Variants in WWP2 observed in about 807,000 individuals in gnomAD.
WWP2 encodes NEDD4-like E3 ubiquitin-protein ligase WWP2.
A neutral mutation model predicts 121.0 loss-of-function variants in WWP2; 57 were observed. The observed-to-expected ratio is 0.47, with a 90% CI of 0.38 to 0.59. WWP2 has a LOEUF of 0.59. Ranked by LOEUF, WWP2 falls within the 20% of genes least tolerant of loss-of-function variation. The pLI, the probability that WWP2 is intolerant of heterozygous loss-of-function variation, is 0.00. For synonymous variants in WWP2, 449 were observed against 441.3 expected, an observed-to-expected ratio of 1.02 and a Z score of -0.22; for missense variants, 962 against 1,158.9, an observed-to-expected ratio of 0.83 and a Z score of 2.47.
At chr16:69,807,096 T>G (rs1416180145) in intron 4 of WWP2, among the ~76,000 whole-genome samples, 3 of 152,046 alleles carry the variant, frequency 2.0e-5, no homozygotes, top group Non-Finnish European at 2.9e-5. Context: ...TGGCATGATC[T>G]TGGCTCACTG....
intron 8 of WWP2, chr16:69,895,213 C>T (rs2058089206): frequency 6.6e-6 from 1 of 152,328 alleles, no homozygotes; most frequent in Non-Finnish European, 1.5e-5. Flanking sequence ...TGGAGCTTCT[C>T]TGCTAAGTTA....
chr16:69,836,033 G>C (rs1043445223), intron 4 of WWP2, among the ~76,000 whole-genome samples: 5 of 152,100 alleles, frequency 3.3e-5, no homozygotes, highest in African/African-American at 1.2e-4. Context: ...GAACTCCTGG[G>C]CTCAGGTGAT....
intron 6 of WWP2, among the ~76,000 whole-genome samples, chr16:69,869,527 C>T (rs909543442): frequency 2.0e-5 from 3 of 151,476 alleles, no homozygotes; most frequent in Admixed American, 1.3e-4. Context: ...AAATTTTTTG[C>T]TAGAGATGAG....
At chr16:69,883,116 G>A (rs1423091467) in intron 7 of WWP2, among the ~76,000 whole-genome samples, 1 of 151,050 alleles carries the variant, frequency 6.6e-6, no homozygotes, top group Non-Finnish European at 1.5e-5. Flanking sequence ...TCATGTCACT[G>A]CACTCCAGTT....
At chr16:69,927,350 C>A (rs1037820721) in intron 11 of WWP2, among the ~76,000 whole-genome samples, 3 of 152,190 alleles carry the variant, frequency 2.0e-5, no homozygotes, top group Non-Finnish European at 1.5e-5. Context: ...CCAGGAGAGA[C>A]CCCGCATCTT....
At chr16:69,781,912 C>G (rs2055671686) in intron 1 of WWP2, among the ~76,000 whole-genome samples, 1 of 152,002 alleles carries the variant, frequency 6.6e-6, no homozygotes, top group Non-Finnish European at 1.5e-5. Context: ...GATAGTGGCC[C>G]CAGCCCTGAA....
intron 6 of WWP2, among the ~76,000 whole-genome samples, chr16:69,864,353 C>A (rs946489992): frequency 6.6e-6 from 1 of 151,884 alleles, no homozygotes; most frequent in East Asian, 1.9e-4. Context: ...CAGAGTGAGA[C>A]CCTGTCTGAA....
intron 6 of WWP2, among the ~76,000 whole-genome samples, chr16:69,862,876 C>T (rs2057450750): frequency 6.6e-6 from 1 of 151,916 alleles, no homozygotes; most frequent in South Asian, 2.1e-4. Context: ...CAGGCACTTG[C>T]CACTATACCT....
intron 11 of WWP2, among the ~76,000 whole-genome samples, chr16:69,927,686 G>C (rs1022593375): frequency 6.6e-6 from 1 of 152,244 alleles, no homozygotes; most frequent in Admixed American, 6.5e-5. Context: ...CTAGTTCAAA[G>C]CAGTAGCTTC....
At chr16:69,870,454 G>A (rs1034828027) in intron 6 of WWP2, among the ~76,000 whole-genome samples, 4 of 151,946 alleles carry the variant, frequency 2.6e-5, no homozygotes, top group Admixed American at 6.6e-5. Context: ...GCATGCACCG[G>A]TAGTGCAGCT....
At chr16:69,876,354 G>T (rs2133798) in intron 7 of WWP2, among the ~76,000 whole-genome samples, 14,352 of 134,732 alleles carry the variant, frequency 0.11, 931 homozygotes, top group East Asian at 0.36. Flanking sequence ...GTTTTTTGGG[G>T]TTTTTTTTTT....
intron 6 of WWP2, among the ~76,000 whole-genome samples, chr16:69,856,224 T>A (rs894826829): frequency 1.3e-5 from 2 of 152,230 alleles, no homozygotes; most frequent in African/African-American, 4.8e-5. Context: ...ATGTTCTATA[T>A]GATTCCATTT....
At chr16:69,936,836 A>T in intron 19 of WWP2, 2 of 474,856 alleles carry the variant, frequency 4.2e-6, no homozygotes, top group South Asian at 5.3e-5. Context: ...CTCTTGCTTT[A>T]GTCTTTATCT....
intron 19 of WWP2, 155 bp from the exon 20 acceptor site, chr16:69,936,963 C>A: frequency 2.9e-6 from 3 of 1,024,630 alleles, no homozygotes; most frequent in Non-Finnish European, 4.1e-6. Flanking sequence ...GTTTTCAGGG[C>A]CTCACTCTAG....
chr16:69,785,229 CAA>C (rs1386992308), intron 1 of WWP2, among the ~76,000 whole-genome samples: 8 of 112,368 alleles, frequency 7.1e-5, no homozygotes, highest in Admixed American at 1.8e-4. Flanking sequence ...GAGACTGTCT[CAA>C]AAAAAAAAAA....
intron 6 of WWP2, among the ~76,000 whole-genome samples, chr16:69,862,074 G>C (rs1465319194): frequency 1.3e-5 from 2 of 152,072 alleles, no homozygotes; most frequent in Non-Finnish European, 2.9e-5. Context: ...TGTTTTGTTT[G>C]TTTGTTTTGA....
chr16:69,795,543 TA>T (rs1404077479), intron 2 of WWP2, among the ~76,000 whole-genome samples: 1 of 150,092 alleles, frequency 6.7e-6, no homozygotes, highest in Non-Finnish European at 1.5e-5. Flanking sequence ...TATAGACACA[TA>T]GAACAGAAAG....
chr16:69,827,217 C>G (rs1247189229), intron 4 of WWP2, among the ~76,000 whole-genome samples: 4 of 150,262 alleles, frequency 2.7e-5, no homozygotes, highest in African/African-American at 9.7e-5. Flanking sequence ...GTTTCATAAT[C>G]TTACTGCTCA....
At chr16:69,826,252 A>G (rs1196464326) in intron 4 of WWP2, among the ~76,000 whole-genome samples, 1 of 123,398 alleles carries the variant, frequency 8.1e-6, no homozygotes, top group Non-Finnish European at 1.7e-5. Context: ...GGGTGACAAG[A>G]GTGAAACTCC....
Sources: allele counts gnomAD v4.1 joint callset (sites outside exome capture counted in the v4.1 genomes callset), GRCh38; gene constraint gnomAD v4.1.1; transcripts MANE v1.5; gene names NCBI Gene and HGNC (gene_info 2026-07-23, HGNC 2026-07-21).